AGAP5: variants seen among roughly 807,000 people sequenced by gnomAD.
The protein encoded by AGAP5 is ArfGAP with GTPase domain, ankyrin repeat and PH domain 5, also known as arf-GAP with GTPase, ANK repeat and PH domain-containing protein 5.
Under a neutral mutation model 27.7 loss-of-function variants are expected in AGAP5, and 8 were observed. The observed-to-expected ratio is 0.29, with a 90% CI of 0.17 to 0.52. AGAP5 has a LOEUF of 0.52. Among genes scored for constraint, AGAP5 ranks in the 20% least tolerant of loss-of-function variants. The probability of loss-of-function intolerance (pLI) is 0.97; values close to 1 mark genes in which losing one functional copy is unlikely to be tolerated. For synonymous variants in AGAP5, 111 were observed against 338.0 expected, an observed-to-expected ratio of 0.33 and a Z score of 7.37; for missense variants, 285 against 880.8, an observed-to-expected ratio of 0.32 and a Z score of 8.56.
intron 6 of AGAP5, among the ~76,000 whole-genome samples, chr10:73,677,906 T>C (rs1228947756): frequency 6.6e-6 from 1 of 152,182 alleles, no homozygotes; most frequent in Non-Finnish European, 1.5e-5. Context: ...GTAAAAAACA[T>C]AGCCTGAATT....
intron 2 of AGAP5, among the ~76,000 whole-genome samples, chr10:73,695,355 A>T (rs1313356090): frequency 6.6e-6 from 1 of 152,156 alleles, no homozygotes; most frequent in Non-Finnish European, 1.5e-5. Context: ...TTAGCAATAC[A>T]TAGGGAGAAC....
intron 3 of AGAP5, among the ~76,000 whole-genome samples, chr10:73,692,633 ATTTTTTTTT>A (rs71021562): frequency 1.3e-5 from 1 of 77,008 alleles, no homozygotes; most frequent in African/African-American, 4.8e-5. Flanking sequence ...CCTATCTTAA[ATTTTTTTTT>A]TTTTTTTTTT....
intron 4 of AGAP5, among the ~76,000 whole-genome samples, chr10:73,686,210 A>G (rs1296367014): frequency 1.3e-5 from 2 of 152,262 alleles, no homozygotes; most frequent in African/African-American, 2.4e-5. Flanking sequence ...AAATAGGCAC[A>G]TACACCAATG....
At chr10:73,689,355 A>C (rs2082093849) in intron 4 of AGAP5, among the ~76,000 whole-genome samples, 1 of 152,220 alleles carries the variant, frequency 6.6e-6, no homozygotes, top group African/African-American at 2.4e-5. Flanking sequence ...ACCTTCCAGC[A>C]GCCTGCCTTG....
intron 4 of AGAP5, among the ~76,000 whole-genome samples, chr10:73,687,379 G>A (rs1212224623): frequency 1.3e-5 from 2 of 152,194 alleles, no homozygotes; most frequent in Non-Finnish European, 2.9e-5. Context: ...TCAGCCTCCT[G>A]AGTAGGTAAT....
At chr10:73,689,679 C>G (rs1445611339) in intron 4 of AGAP5, among the ~76,000 whole-genome samples, 2 of 151,922 alleles carry the variant, frequency 1.3e-5, no homozygotes, top group Non-Finnish European at 2.9e-5. Context: ...GCCCGGCCGC[C>G]CCGTCTGAGA....
chr10:73,691,412 G>A (rs968120628), intron 4 of AGAP5, among the ~76,000 whole-genome samples: 2 of 151,846 alleles, frequency 1.3e-5, no homozygotes, highest in Non-Finnish European at 2.9e-5. Flanking sequence ...GTGATAGAAA[G>A]TCAATAGACA....
chr10:73,697,913 C>T lies in AGAP5; in HGVS notation c.-158G>A. ...GCGCGGCCCCGGGCACCATCCCTGG[C>T]CCCGGCCCCGGCCCCGGCTAGGGCT... On this transcript the variant is annotated 5_prime_UTR_variant, in exon 1 of 8. Transcript: ENST00000374094. The T allele has an allele frequency of 6.5e-7, 1 of 1,529,200 alleles. No homozygotes were observed. The highest frequency in any genetic ancestry group is 8.7e-7 in the Non-Finnish European group (1 of 1,143,310). 94.7% of individuals were successfully genotyped at this position (1,529,200 alleles called of 1,614,324 possible).
chr10:73,691,880 T>A (rs1255480075), intron 4 of AGAP5, among the ~76,000 whole-genome samples, 163 bp downstream of exon 4: 6 of 151,518 alleles, frequency 4.0e-5, no homozygotes, highest in Admixed American at 3.3e-4. Context: ...TAAACACTTT[T>A]CTGGATAAAT....
chr10:73,688,922 ACTGCCT>A (rs1304922079), intron 4 of AGAP5, among the ~76,000 whole-genome samples: 1 of 152,208 alleles, frequency 6.6e-6, no homozygotes, highest in African/African-American at 2.4e-5. Flanking sequence ...TAAGAGCACA[ACTGCCT>A]CTGCCTCTGC....
Position 73,697,122 on chromosome 10 carries a change from T to C in AGAP5, c.265A>G (p.Ile89Val). The C allele has an allele frequency of 6.3e-7, 1 of 1,598,234 alleles. No homozygotes were observed. Among genetic ancestry groups the C allele is most frequent in the Non-Finnish European group, 8.5e-7 (1 of 1,179,716 alleles). ...SLSANPEAST[I>V]FQRNSQTDAL... The stretch of plus-strand genomic sequence containing the variant: ...TCTGTTTGAGAGTTCCTCTGGAATA[T>C]TGTGCTTGCCTCTGGATTGGCAGAA... Residue 89 changes from isoleucine (I) to valine (V), a missense_variant, in exon 2 of 8, where the codon ATA becomes GTA. By Grantham distance (29) the Ile-to-Val change is conservative. Coordinates refer to ENST00000374094, the MANE Select transcript of AGAP5 (RefSeq NM_001144000.4).
At chr10:73,696,443 T>G (rs2082162985) in intron 2 of AGAP5, among the ~76,000 whole-genome samples, 1 of 152,256 alleles carries the variant, frequency 6.6e-6, no homozygotes, top group African/African-American at 2.4e-5. Flanking sequence ...ATCTTTATAT[T>G]ACATATTAAA....
intron 5 of AGAP5, among the ~76,000 whole-genome samples, chr10:73,680,577 C>T (rs1297565320): frequency 1.8e-4 from 12 of 67,170 alleles, no homozygotes; most frequent in Non-Finnish European, 3.5e-4. Context: ...GCCACTATGC[C>T]CAGATAATTT....
At chr10:73,692,695 TGCAGTGGCGGGATCTCA>T (rs1332449165) in intron 3 of AGAP5, among the ~76,000 whole-genome samples, 1 of 139,476 alleles carries the variant, frequency 7.2e-6, no homozygotes, top group East Asian at 2.1e-4. Context: ...TAGGCTCGAG[TGCAGTGGCGGGATCTCA>T]GCTCACTGCA....
intron 4 of AGAP5, among the ~76,000 whole-genome samples, chr10:73,683,371 G>A (rs1418618156): frequency 2.1e-5 from 2 of 93,660 alleles, no homozygotes; most frequent in Admixed American, 1.0e-4. Flanking sequence ...AAAAAAAAAA[G>A]AAAGAAAAGT....
chr10:73,689,452 G>A (rs1404538573), intron 4 of AGAP5, among the ~76,000 whole-genome samples: 18 of 132,380 alleles, frequency 1.4e-4, no homozygotes, highest in Admixed American at 1.1e-3. Context: ...CCGCCCCATC[G>A]TCTGGGATGT....
chr10:73,689,276 C>T (rs1233560354), intron 4 of AGAP5, among the ~76,000 whole-genome samples: 7 of 152,232 alleles, frequency 4.6e-5, no homozygotes, highest in African/African-American at 7.2e-5. Flanking sequence ...GACGGAGTCT[C>T]GTTCACTCAG....
chr10:73,678,883 T>G (rs2082001652), intron 6 of AGAP5, among the ~76,000 whole-genome samples: 1 of 151,424 alleles, frequency 6.6e-6, no homozygotes, highest in Non-Finnish European at 1.5e-5. Flanking sequence ...AGACAGAGTC[T>G]CTCTCTGTCA....
In AGAP5 at chr10:73,675,167, A is replaced by T; in HGVS notation, c.1493T>A (p.Met498Lys). 1 of 1,606,844 alleles carries T rather than the reference A, an allele frequency of 6.2e-7. No homozygotes were observed. Among genetic ancestry groups the T allele is most frequent in the East Asian group, 2.2e-5 (1 of 44,858 alleles). ...KWASLNLGVL[M>K]CIECSGIHRS... ...GTGGATTCCTGAGCATTCAATACAC[A>T]TGAGGACTCCCAAGTTCAAACTGGC... The change falls in exon 8 of 8, where the codon ATG (methionine) becomes AAG (lysine). Residue 498 changes from methionine (M) to lysine (K), a missense_variant. Physicochemically the swap from Met to Lys is moderately conservative, Grantham distance 95 (BLOSUM62 -1). Transcript: ENST00000374094.
Sources: gnomAD v4.1 joint callset for allele counts (sites outside exome capture counted in the v4.1 genomes callset) on GRCh38, gnomAD v4.1.1 for gene constraint, MANE v1.5 for transcripts, NCBI Gene and HGNC (gene_info 2026-07-23, HGNC 2026-07-21) for gene names.